TASOR2: variants seen among roughly 807,000 people sequenced by gnomAD.
TASOR2 encodes transcription activation suppressor family member 2, also known as protein TASOR 2.
A neutral mutation model predicts 199.5 loss-of-function variants in TASOR2; 84 were observed. The observed-to-expected ratio is 0.42, with a 90% confidence interval of 0.35 to 0.50. The LOEUF is 0.50. Ranked by LOEUF, TASOR2 falls within the 20% of genes least tolerant of loss-of-function variation. The probability of loss-of-function intolerance (pLI) is 0.02; values close to 1 mark genes in which losing one functional copy is unlikely to be tolerated. For synonymous variants in TASOR2, 1,103 were observed against 1,046.6 expected, an observed-to-expected ratio of 1.05 and a Z score of -1.04; for missense variants, 2,796 against 2,835.9, an observed-to-expected ratio of 0.99 and a Z score of 0.32.
In TASOR2 at chr10:5,730,024, TC is replaced by T. The variant is rs746300426; in HGVS notation, c.488-462del. ...ATTTAGGGCTTCTACTTTTTTCAGT[TC>T]AGTTGACTTGCACTAACTTCTGAAA... is the stretch of plus-strand genomic sequence containing the variant. On this transcript the variant is annotated intron_variant, in intron 10 of 20. Coordinates refer to ENST00000328090, the Ensembl canonical transcript of TASOR2. The surrounding 1 kb of genome is among the most constrained non-coding windows in gnomAD (Gnocchi z 4.1). Among the ~76,000 whole-genome samples, 151 of 152,338 alleles carry T rather than the reference TC, an allele frequency of 9.9e-4. No homozygotes were observed. Among genetic ancestry groups the T allele is most frequent in the Admixed American group, 1.6e-3 (24 of 15,306 alleles).
rs1296672198 is a variant in TASOR2, at chr10:5,699,209, A to G, written c.-287-13614A>G. 2.6e-5 allele frequency among the ~76,000 whole-genome samples: 4 copies of G among 152,172 alleles called. No individual in the cohort carries two copies. Among genetic ancestry groups the G allele is most frequent in the African/African-American group, 7.2e-5 (3 of 41,464 alleles). ...GAACTTCAAAAACAGGCTAAGTGAA[A>G]GAAGCCAATCATGAAGGACCGCGTG... On this transcript the variant is annotated intron_variant, in intron 1 of 20. Coordinates refer to ENST00000328090, the Ensembl canonical transcript of TASOR2. This position sits in a 1 kb window ranked among gnomAD's most constrained non-coding sequence, Gnocchi z 4.1.
At chr10:5,727,246 T>A in intron 10 of TASOR2, 123 bp downstream of exon 11, 1 of 968,228 alleles carries the variant, frequency 1.0e-6, no homozygotes, top group Non-Finnish European at 1.6e-6. Context: ...CCTCTTTTCT[T>A]AACATCACTG....
intron 1 of TASOR2, among the ~76,000 whole-genome samples, chr10:5,697,500 G>A (rs1051426678): frequency 6.6e-6 from 1 of 152,152 alleles, no homozygotes; most frequent in Non-Finnish European, 1.5e-5. Flanking sequence ...GAAGGAGAAA[G>A]CAGAATGAGA....
intron 17 of TASOR2, 83 bp from the exon 19 acceptor site, chr10:5,758,804 A>T: frequency 2.0e-6 from 2 of 986,530 alleles, no homozygotes; most frequent in Admixed American, 4.2e-5. Flanking sequence ...TTCTTGTTTT[A>T]CAAATAATTA....
chr10:5,752,466 G>T lies in TASOR2; in HGVS notation c.6606+2439G>T, dbSNP rs1051985137. Among the ~76,000 whole-genome samples, 3 of 152,192 alleles carry T rather than the reference G, an allele frequency of 2.0e-5. No homozygotes were observed. The highest frequency in any genetic ancestry group is 7.2e-5 in the African/African-American group (3 of 41,454). On this transcript the variant is annotated intron_variant, in intron 15 of 20. Transcript: ENST00000328090. The surrounding 1 kb of genome is among the most constrained non-coding windows in gnomAD (Gnocchi z 4.4). ...GGCCTGCAGGCCACGTGCAGGCCGTGTGTCGGCTCCACATGCCCACTGGGT... is the reference window on the plus strand; with the variant it reads ...GGCCTGCAGGCCACGTGCAGGCCGTTTGTCGGCTCCACATGCCCACTGGGT...
chr10:5,760,338 G>A (rs1428778518), intron 18 of TASOR2, among the ~76,000 whole-genome samples: 1 of 152,156 alleles, frequency 6.6e-6, no homozygotes, highest in East Asian at 1.9e-4. Flanking sequence ...ACTGCTGTTG[G>A]CGCTGCAGTA....
At chr10:5,723,012 A>G (rs1299924248) in intron 6 of TASOR2, among the ~76,000 whole-genome samples, 1 of 149,052 alleles carries the variant, frequency 6.7e-6, no homozygotes, top group Non-Finnish European at 1.5e-5. Context: ...CATCTCACAC[A>G]CAAAAAAAGG....
chr10:5,756,702 C>T (rs370748776), exon 16 of TASOR2: 4 of 1,613,104 alleles, frequency 2.5e-6, no homozygotes, highest in Non-Finnish European at 3.4e-6. Flanking sequence ...TAATCATCAT[C>T]ATCAGAAATG....
intron 2 of TASOR2, among the ~76,000 whole-genome samples, chr10:5,715,131 G>T (rs570821410): frequency 9.9e-4 from 150 of 152,068 alleles, no homozygotes; most frequent in African/African-American, 3.4e-3. Context: ...CACGAAGAGG[G>T]GTATTTTTTA....
Position 5,752,446 on chromosome 10 carries a change from G to A in TASOR2, c.6606+2419G>A, listed in dbSNP as rs1227662521. ...TGTCGGTTCCACACATGAGGGGCCT[G>A]CAGGCCACGTGCAGGCCGTGTGTCG... On this transcript the variant is annotated intron_variant, in intron 15 of 20. Transcript: ENST00000328090. The surrounding 1 kb of genome is among the most constrained non-coding windows in gnomAD (Gnocchi z 4.4). 6.6e-6 allele frequency among the ~76,000 whole-genome samples: 1 copy of A among 152,078 alleles called. No individual in the cohort carries two copies. The highest frequency in any genetic ancestry group is 1.9e-4 in the East Asian group (1 of 5,176).
At chr10:5,694,321 T>C (rs753771067) in intron 1 of TASOR2, among the ~76,000 whole-genome samples, 2 of 152,144 alleles carry the variant, frequency 1.3e-5, no homozygotes, top group African/African-American at 2.4e-5. Flanking sequence ...GGGCTTTAAT[T>C]AGAAATAAAG....
In TASOR2 at chr10:5,706,771, G is replaced by T. The variant is rs1206540291; in HGVS notation, c.-287-6052G>T. On this transcript the variant is annotated intron_variant, in intron 1 of 20. Transcript: ENST00000328090. This position sits in a 1 kb window ranked among gnomAD's most constrained non-coding sequence, Gnocchi z 4.8. The stretch of plus-strand genomic sequence containing the variant: ...TAATTCCAGCACTTTGGGAGGCCGA[G>T]GTATGCAGATCACTTGAGGCCAGGA... Among the ~76,000 whole-genome samples, 1 of 152,174 alleles carries T rather than the reference G, an allele frequency of 6.6e-6. No homozygotes were observed. The highest frequency in any genetic ancestry group is 1.5e-5 in the Non-Finnish European group (1 of 68,028).
At position 5,748,736 on chromosome 10, in the gene TASOR2, T is replaced by G. The variant is rs758583615; in HGVS notation, c.5315T>G (p.Leu1772Trp). 15 of 1,614,210 alleles carry G rather than the reference T, an allele frequency of 9.3e-6. No individual in the cohort carries two copies. The highest frequency in any genetic ancestry group is 1.3e-5 in the Non-Finnish European group (15 of 1,180,026). ...AAGGAAAACCTCAGTAAAGAGCCTT[T>G]GGCCTCCTTTGTTTCAGAATCCTTT... Residue 1772 changes from leucine (L) to tryptophan (W), a missense_variant, in exon 15 of 21, where the codon TTG becomes TGG. Around this residue, in one of 3 missense-constraint regions of TASOR2, gnomAD observed 1,941 missense variants for 1,924.9 expected, o/e 1.01. Coordinates refer to ENST00000328090, the Ensembl canonical transcript of TASOR2. The surrounding 1 kb of genome is among the most constrained non-coding windows in gnomAD (Gnocchi z 5.1).
At chr10:5,724,900 A>G (rs1319496073) in intron 8 of TASOR2, among the ~76,000 whole-genome samples, 1 of 152,036 alleles carries the variant, frequency 6.6e-6, no homozygotes, top group African/African-American at 2.4e-5. Context: ...GTAAGAGATT[A>G]ACAACAATAA....
At chr10:5,736,396 C>T (rs912169902) in intron 12 of TASOR2, among the ~76,000 whole-genome samples, 1 of 147,134 alleles carries the variant, frequency 6.8e-6, no homozygotes, top group African/African-American at 2.5e-5. Flanking sequence ...CCAGTCTGGG[C>T]GACAGAGCGA....
At chr10:5,724,370 G>A (rs1833758544) in intron 7 of TASOR2, 60 bp from the exon 9 acceptor site, 3 of 759,390 alleles carry the variant, frequency 4.0e-6, no homozygotes, top group Non-Finnish European at 6.1e-6. Flanking sequence ...TGAACAAATT[G>A]ACTGTAAGTA....
chr10:5,693,513 T>C (rs1740565309), intron 1 of TASOR2, among the ~76,000 whole-genome samples: 1 of 152,236 alleles, frequency 6.6e-6, no homozygotes, highest in African/African-American at 2.4e-5. Flanking sequence ...CACTTTGTTT[T>C]CTGGGTCTCT....
chr10:5,702,060 T>G (rs1426020024), intron 1 of TASOR2, among the ~76,000 whole-genome samples: 1 of 152,312 alleles, frequency 6.6e-6, no homozygotes, highest in East Asian at 1.9e-4. Context: ...GGGCTTTCAA[T>G]TGTTCCTTGT....
At chr10:5,717,455 A>G (rs1832801856) in intron 2 of TASOR2, among the ~76,000 whole-genome samples, 1 of 151,824 alleles carries the variant, frequency 6.6e-6, no homozygotes, top group Admixed American at 6.6e-5. Context: ...ATTGTCTCTT[A>G]TGTTTCGAAA....
Sources: gnomAD v4.1 joint callset for allele counts (sites outside exome capture counted in the v4.1 genomes callset) on GRCh38, gnomAD v4.1.1 for gene constraint, gnomAD v4.1.1 regional missense constraint, Gnocchi (gnomAD v3.1) non-coding constraint, MANE v1.5 for transcripts, NCBI Gene and HGNC (gene_info 2026-07-23, HGNC 2026-07-21) for gene names.